The following SNAP91 variants were observed in gnomAD, a reference collection of about 807,000 sequenced individuals.
SNAP91 encodes synaptosome associated protein 91, also known as clathrin coat assembly protein AP180.
A neutral mutation model predicts 100.3 loss-of-function variants in SNAP91; 27 were observed. The observed-to-expected ratio is 0.27, with a 90% confidence interval of 0.20 to 0.37. The LOEUF (loss-of-function observed/expected upper bound fraction) is 0.37, where lower values mean the gene tolerates loss of function less well. Among genes scored for constraint, SNAP91 ranks in the 10% least tolerant of loss-of-function variants. The probability of loss-of-function intolerance (pLI) is 1.00; values close to 1 mark genes in which losing one functional copy is unlikely to be tolerated. For missense variants in SNAP91, 986 were observed against 1,123.7 expected (o/e 0.88, Z 1.75); for synonymous variants, 404 against 398.6 (o/e 1.01, Z -0.16).
At chr6:83,697,592 T>C (rs950006313) in intron 2 of SNAP91, among the ~76,000 whole-genome samples, 6 of 152,164 alleles carry the variant, frequency 3.9e-5, no homozygotes, top group Non-Finnish European at 8.8e-5. Flanking sequence ...TGTCAGATCA[T>C]GGTCATGCAA....
At position 83,553,063 on chromosome 6, in the gene SNAP91, A is replaced by C. The variant is rs1773415698; in HGVS notation, c.*1233T>G. The stretch of plus-strand genomic sequence containing the variant: ...CAACCACTTTTAAATGGTACCATAC[A>C]TCTATTAAATAATTTGAAAAATAGG... On this transcript the variant is annotated 3_prime_UTR_variant, in exon 30 of 30. Transcript: ENST00000369694. 1 of 152,596 alleles carries C rather than the reference A, an allele frequency of 6.6e-6. No homozygotes were observed. The highest frequency in any genetic ancestry group is 2.4e-5 in the African/African-American group (1 of 41,442). 9.5% of individuals were successfully genotyped at this position (152,596 alleles called of 1,614,324 possible). A position where few individuals can be genotyped will look rare whatever the true frequency, so the allele number is the denominator to read the frequency against.
chr6:83,654,717 C>G (rs953938107), intron 7 of SNAP91, among the ~76,000 whole-genome samples: 1 of 152,148 alleles, frequency 6.6e-6, no homozygotes, highest in Admixed American at 6.5e-5. Context: ...ATCACATTCT[C>G]AGTATACTCG....
At chr6:83,562,953 A>G (rs1584004267) in intron 26 of SNAP91, among the ~76,000 whole-genome samples, 1 of 152,156 alleles carries the variant, frequency 6.6e-6, no homozygotes, top group Non-Finnish European at 1.5e-5. Context: ...CAGATTCTGT[A>G]ATTTCATGTG....
chr6:83,578,887 G>A (rs528093699), intron 24 of SNAP91, among the ~76,000 whole-genome samples: 1 of 151,852 alleles, frequency 6.6e-6, no homozygotes, highest in South Asian at 2.1e-4. Context: ...TTGGTTGTAC[G>A]ACTTACTTTG....
intron 24 of SNAP91, among the ~76,000 whole-genome samples, chr6:83,576,302 A>C (rs1818710062): frequency 6.6e-6 from 1 of 152,216 alleles, no homozygotes. Flanking sequence ...GAGCAAACAT[A>C]GCAGGTTTGA....
intron 10 of SNAP91, among the ~76,000 whole-genome samples, chr6:83,615,302 A>G (rs1286505338): frequency 6.6e-6 from 1 of 152,196 alleles, no homozygotes; most frequent in Non-Finnish European, 1.5e-5. Context: ...CCTGAGTGGA[A>G]GAGTGCAGAG....
intron 5 of SNAP91, among the ~76,000 whole-genome samples, chr6:83,660,815 G>A (rs1171401249): frequency 6.6e-6 from 1 of 151,288 alleles, no homozygotes; most frequent in Admixed American, 6.6e-5. Flanking sequence ...TAGAGACAGG[G>A]TTGCCCAGGC....
chr6:83,673,640 G>A (rs1296742550), intron 2 of SNAP91, among the ~76,000 whole-genome samples: 2 of 152,110 alleles, frequency 1.3e-5, no homozygotes, highest in Non-Finnish European at 2.9e-5. Context: ...CAGACAATAC[G>A]AAAAAGTGAT....
At chr6:83,630,942 T>C (rs1022845007) in intron 8 of SNAP91, among the ~76,000 whole-genome samples, 12 of 152,112 alleles carry the variant, frequency 7.9e-5, no homozygotes, top group Non-Finnish European at 2.9e-5. Flanking sequence ...GACTGTCTGT[T>C]TGTGTTCTTT....
intron 28 of SNAP91, among the ~76,000 whole-genome samples, chr6:83,556,702 G>A (rs531881047): frequency 2.0e-5 from 3 of 152,208 alleles, no homozygotes; most frequent in African/African-American, 7.2e-5. Context: ...CTATACAAAA[G>A]CATTTTTACT....
intron 27 of SNAP91, 49 bp from the exon 28 acceptor site, chr6:83,560,257 A>AG: frequency 7.7e-7 from 1 of 1,305,382 alleles, no homozygotes; most frequent in Non-Finnish European, 1.1e-6. Flanking sequence ...GGAACTCACT[A>AG]GGGCACTATC....
chr6:83,564,595 G>A (rs938936367), intron 26 of SNAP91, among the ~76,000 whole-genome samples: 5 of 152,004 alleles, frequency 3.3e-5, no homozygotes, highest in African/African-American at 7.2e-5. Flanking sequence ...AGACTCCTGA[G>A]CTCAAGTAAT....
chr6:83,699,124 A>G (rs1370295436), intron 2 of SNAP91, among the ~76,000 whole-genome samples: 1 of 152,148 alleles, frequency 6.6e-6, no homozygotes, highest in African/African-American at 2.4e-5. Flanking sequence ...AGGTGACCCC[A>G]GGCTCCCTAG....
At chr6:83,597,228 T>C (rs2094571912) in intron 16 of SNAP91, among the ~76,000 whole-genome samples, 1 of 152,120 alleles carries the variant, frequency 6.6e-6, no homozygotes, top group Non-Finnish European at 1.5e-5. Flanking sequence ...CATGAATGAG[T>C]GTCCAGATGG....
intron 22 of SNAP91, among the ~76,000 whole-genome samples, chr6:83,583,135 GATGCCTGCTC>G (rs1165661179): frequency 1.3e-5 from 2 of 152,148 alleles, no homozygotes; most frequent in Non-Finnish European, 2.9e-5. Flanking sequence ...CGCAGTGTCA[GATGCCTGCTC>G]TGGGAGGACT....
At chr6:83,582,126 C>A in intron 23 of SNAP91, 96 bp downstream of exon 23, 1 of 1,308,164 alleles carries the variant, frequency 7.6e-7, no homozygotes, top group East Asian at 2.4e-5. Context: ...TCAATATTTG[C>A]TTGTTGTAAA....
At chr6:83,644,816 G>A (rs565990517) in intron 7 of SNAP91, among the ~76,000 whole-genome samples, 35 of 152,222 alleles carry the variant, frequency 2.3e-4, no homozygotes, top group African/African-American at 7.7e-4. Context: ...TATTGGTCAC[G>A]AAATCCTTGA....
intron 14 of SNAP91, among the ~76,000 whole-genome samples, chr6:83,602,397 C>CTTACA (rs1214569086): frequency 2.0e-5 from 3 of 152,000 alleles, no homozygotes; most frequent in African/African-American, 7.3e-5. Flanking sequence ...GGCTATGGTC[C>CTTACA]TTGGAAATGA....
At chr6:83,667,139 G>A (rs1156927690) in intron 2 of SNAP91, among the ~76,000 whole-genome samples, 3 of 152,048 alleles carry the variant, frequency 2.0e-5, no homozygotes, top group African/African-American at 4.8e-5. Flanking sequence ...ACAAAATAAC[G>A]CATGGGTAAA....
Sources: allele counts gnomAD v4.1 joint callset (sites outside exome capture counted in the v4.1 genomes callset), GRCh38; gene constraint gnomAD v4.1.1; transcripts MANE v1.5; gene names NCBI Gene and HGNC (gene_info 2026-07-23, HGNC 2026-07-21).